FANCI: variants seen among roughly 807,000 people sequenced by gnomAD.
FANCI encodes Fanconi anemia group I protein.
A neutral mutation model predicts 176.1 loss-of-function variants in FANCI; 156 were observed. That is an observed-to-expected ratio of 0.89 (90% CI 0.78 to 1.01). The LOEUF is 1.01. Among genes scored for constraint, FANCI ranks in the 50% least tolerant of loss-of-function variants. The pLI is 0.00. For synonymous variants in FANCI, 613 were observed against 541.7 expected, an observed-to-expected ratio of 1.13 and a Z score of -1.83; for missense variants, 1,678 against 1,534.1, an observed-to-expected ratio of 1.09 and a Z score of -1.57.
chr15:89,261,963 G>A, intron 6 of FANCI, 85 bp downstream of exon 6: 2 of 1,211,470 alleles, frequency 1.7e-6, no homozygotes, highest in Non-Finnish European at 2.4e-6. Context: ...TATGTCTGGA[G>A]GTTTTAAGTC....
intron 34 of FANCI, among the ~76,000 whole-genome samples, chr15:89,309,847 G>C (rs2054886949): frequency 6.6e-6 from 1 of 152,190 alleles, no homozygotes; most frequent in South Asian, 2.1e-4. Context: ...ATAGAGTACA[G>C]TTTGGGAAAT....
intron 24 of FANCI, among the ~76,000 whole-genome samples, chr15:89,295,624 C>G (rs1046272828): frequency 3.9e-5 from 6 of 152,026 alleles, no homozygotes; most frequent in Non-Finnish European, 5.9e-5. Context: ...CTAGATTGTG[C>G]CATTGCACTC....
intron 24 of FANCI, among the ~76,000 whole-genome samples, chr15:89,298,615 CACA>C (rs1309434930): frequency 6.6e-6 from 1 of 151,922 alleles, no homozygotes; most frequent in East Asian, 1.9e-4. Context: ...TAGACAAAAG[CACA>C]ACTATGAAGA....
At chr15:89,298,121 A>G (rs907418931) in intron 24 of FANCI, among the ~76,000 whole-genome samples, 1 of 152,174 alleles carries the variant, frequency 6.6e-6, no homozygotes, top group African/African-American at 2.4e-5. Flanking sequence ...AATCTACTGA[A>G]AGGAGGTAGA....
intron 12 of FANCI, among the ~76,000 whole-genome samples, chr15:89,274,976 C>G (rs2053353930): frequency 6.6e-6 from 1 of 151,656 alleles, no homozygotes; most frequent in South Asian, 2.1e-4. Flanking sequence ...TATTCACAGG[C>G]TCTATTATAG....
chr15:89,314,548 C>A, intron 35 of FANCI, 64 bp from the exon 36 acceptor site: 1 of 1,224,296 alleles, frequency 8.2e-7, no homozygotes, highest in Non-Finnish European at 1.2e-6. Context: ...TAAGTGACAG[C>A]TTCAGAGGAA....
chr15:89,263,333 G>A, intron 6 of FANCI, 86 bp from the exon 7 acceptor site: 1 of 1,058,814 alleles, frequency 9.4e-7, no homozygotes. Flanking sequence ...ACTTGAATTG[G>A]CCCTGTTTTT....
intron 37 of FANCI, 26 bp downstream of exon 37, chr15:89,315,415 C>G: frequency 6.7e-7 from 1 of 1,494,646 alleles, no homozygotes; most frequent in South Asian, 1.1e-5. Flanking sequence ...TGTCTGGAGC[C>G]CAGCCACTCT....
chr15:89,261,604 C>T lies in FANCI; in HGVS notation c.308C>T (p.Pro103Leu). Residue 103 changes from proline (P) to leucine (L), a missense_variant, in exon 5 of 38, where the codon CCA becomes CTA. This residue lies in a region of FANCI where 469 missense variants were observed against 436.9 expected (regional missense o/e 1.07). Transcript: ENST00000310775. ...TTTTAGGCTCACCATTTTCCAGGAC[C>T]ATTATTGGTTGAATTAGCCAATGAG... The part of the protein sequence containing the change: ...LMLEAHHFPG[P>L]LLVELANEFI... 1 of 1,614,096 alleles carries T rather than the reference C, an allele frequency of 6.2e-7. No individual in the cohort carries two copies. Among genetic ancestry groups the T allele is most frequent in the African/African-American group, 1.3e-5 (1 of 75,040 alleles).
At chr15:89,306,237 C>T (rs763929661) in intron 32 of FANCI, 43 bp downstream of exon 32, 7 of 1,596,480 alleles carry the variant, frequency 4.4e-6, no homozygotes, top group African/African-American at 2.7e-5. Flanking sequence ...CATTCTACCC[C>T]AGTGAGCCAG....
At chr15:89,266,285 C>T (rs1456020175) in intron 9 of FANCI, among the ~76,000 whole-genome samples, 6 of 151,370 alleles carry the variant, frequency 4.0e-5, no homozygotes, top group Non-Finnish European at 7.4e-5. Context: ...CCTCAGCCTC[C>T]CAAGTGGCTG....
At chr15:89,314,561 C>T in intron 35 of FANCI, 51 bp from the exon 36 acceptor site, 3 of 1,414,678 alleles carry the variant, frequency 2.1e-6, no homozygotes, top group Non-Finnish European at 3.0e-6. Flanking sequence ...CAGAGGAAAA[C>T]TTCAAAAACC....
rs1011043417 is a variant in FANCI, at chr15:89,293,681, C to G, written c.2292-152C>G. 4.8e-6 allele frequency: 4 copies of G among 839,968 alleles called. No homozygotes were observed. In the East Asian group the frequency reaches 7.7e-5, roughly 16 times the overall value. The allele number at this position is 839,968 out of a possible 1,614,324, so 52.0% of individuals were successfully genotyped here. A position where few individuals can be genotyped will look rare whatever the true frequency, so the allele number is the denominator to read the frequency against. ...CAAAACCCAGATAGATTGCTGTGAC[C>G]TGGGAGTATTATATTAATGAAGTTC... On this transcript the variant is annotated intron_variant, in intron 22 of 37. Coordinates refer to ENST00000310775, the MANE Select transcript of FANCI (RefSeq NM_001113378.2).
chr15:89,245,567 A>AT (rs2051927260), intron 1 of FANCI, among the ~76,000 whole-genome samples: 1 of 151,616 alleles, frequency 6.6e-6, no homozygotes, highest in Non-Finnish European at 1.5e-5. Flanking sequence ...GTAATAAAAG[A>AT]TTGGGGGGCA....
intron 17 of FANCI, among the ~76,000 whole-genome samples, chr15:89,283,907 C>T (rs528908071): frequency 2.0e-5 from 3 of 151,996 alleles, no homozygotes; most frequent in South Asian, 2.1e-4. Flanking sequence ...GGACTACAGG[C>T]GCCTGCTACC....
Position 89,290,057 on chromosome 15 carries a change from T to C in FANCI, c.1822-156T>C, listed in dbSNP as rs59237547. 0.023 allele frequency among the ~76,000 whole-genome samples: 3,482 copies of C among 152,228 alleles called. 118 individuals are homozygous for C. Among genetic ancestry groups the C allele is most frequent in the African/African-American group, 0.077 (3,214 of 41,526 alleles). On this transcript the variant is annotated intron_variant, in intron 18 of 37. Coordinates refer to ENST00000310775, the MANE Select transcript of FANCI (RefSeq NM_001113378.2). ...GGACATTTTGGGTGGGAAAAAAATA[T>C]GGTCATTTATATTAGGGCATTTAGG...
At chr15:89,289,741 G>GT (rs1236529523) in intron 18 of FANCI, among the ~76,000 whole-genome samples, 1 of 150,040 alleles carries the variant, frequency 6.7e-6, no homozygotes, top group African/African-American at 2.5e-5. Context: ...TTAAGACAGA[G>GT]TTTTGCTCTA....
chr15:89,293,706 C>G (rs981035507), intron 22 of FANCI, 127 bp from the exon 23 acceptor site: 4 of 971,960 alleles, frequency 4.1e-6, no homozygotes, highest in South Asian at 2.8e-5. Flanking sequence ...TAATGAAGTT[C>G]TATTCATTTA....
chr15:89,300,466 G>C (rs1347825783), intron 26 of FANCI, 81 bp downstream of exon 26: 1 of 1,245,792 alleles, frequency 8.0e-7, no homozygotes, highest in Non-Finnish European at 1.2e-6. Flanking sequence ...GGTAAGAATG[G>C]GCAGACAGTG....
Sources: gnomAD v4.1 joint callset for allele counts (sites outside exome capture counted in the v4.1 genomes callset) on GRCh38, gnomAD v4.1.1 for gene constraint, gnomAD v4.1.1 regional missense constraint, MANE v1.5 for transcripts, NCBI Gene and HGNC (gene_info 2026-07-23, HGNC 2026-07-21) for gene names.